Variants in LRP5 observed in about 807,000 individuals in gnomAD.
LRP5 encodes the protein low-density lipoprotein receptor-related protein 5.
LRP5 carries 62 observed loss-of-function variants against 154.1 expected under a neutral mutation model. That is an observed-to-expected ratio of 0.40 (90% CI 0.33 to 0.50). The LOEUF is 0.50. LRP5 is among the 20% of genes least tolerant of loss of function. The pLI is 0.55. For missense variants in LRP5, 1,915 were observed against 2,336.7 expected (o/e 0.82, Z 3.72); for synonymous variants, 966 against 1,011.5 (o/e 0.96, Z 0.85).
chr11:68,414,342 ACTC>A (rs2098661338), intron 12 of LRP5, among the ~76,000 whole-genome samples: 1 of 151,922 alleles, frequency 6.6e-6, no homozygotes, highest in Non-Finnish European at 1.5e-5. Flanking sequence ...GCGCTCGTTT[ACTC>A]CTCAAGCCTG....
chr11:68,436,834 T>G, intron 18 of LRP5, 55 bp from the exon 19 acceptor site: 1 of 1,314,718 alleles, frequency 7.6e-7, no homozygotes, highest in Non-Finnish European at 1.1e-6. Flanking sequence ...GTGCCCTGCA[T>G]GGTGGGCTGG....
In LRP5 at chr11:68,403,668, G is replaced by A. The variant is rs1488418953; in HGVS notation, c.1770G>A (p.Gly590=). ...VIIDQLPDLM[G]LKAVNVAKVV... ...TTGACCAGCTGCCCGACCTGATGGG[G>A]CTCAAAGCTGTGAATGTGGCCAAGG... The change falls in exon 8 of 23, where the codon GGG becomes GGA. Residue 590 remains glycine (G), a synonymous_variant. Transcript: ENST00000294304. The A allele has an allele frequency of 1.1e-5, 18 of 1,613,990 alleles. No homozygotes were observed. The highest frequency in any genetic ancestry group is 2.5e-6 in the Non-Finnish European group (3 of 1,180,060).
At chr11:68,415,563 T>C (rs1419555134) in intron 12 of LRP5, among the ~76,000 whole-genome samples, 1 of 151,218 alleles carries the variant, frequency 6.6e-6, no homozygotes, top group Non-Finnish European at 1.5e-5. Flanking sequence ...CTGGCCAATA[T>C]GGTGAAACTC....
intron 17 of LRP5, among the ~76,000 whole-genome samples, chr11:68,432,385 C>T (rs562065799): frequency 3.3e-5 from 5 of 152,316 alleles, no homozygotes; most frequent in South Asian, 2.1e-4. Context: ...TCTCAGCCGT[C>T]GTGGGCTGAC....
intron 3 of LRP5, among the ~76,000 whole-genome samples, chr11:68,361,096 G>A (rs1019568780): frequency 1.3e-5 from 2 of 149,180 alleles, no homozygotes; most frequent in Non-Finnish European, 3.0e-5. Flanking sequence ...ACGAGGTCAG[G>A]AGATTGAGAT....
intron 12 of LRP5, among the ~76,000 whole-genome samples, chr11:68,414,406 C>A (rs2098661367): frequency 6.6e-6 from 1 of 152,106 alleles, no homozygotes; most frequent in Non-Finnish European, 1.5e-5. Flanking sequence ...ACCCGATGCA[C>A]AGAGAGGTGT....
intron 13 of LRP5, among the ~76,000 whole-genome samples, chr11:68,422,870 C>T (rs1337625955): frequency 6.6e-6 from 1 of 151,466 alleles, no homozygotes; most frequent in Non-Finnish European, 1.5e-5. Context: ...CCCCTGCACC[C>T]TCACCTGTCC....
At chr11:68,393,088 C>T (rs1294027360) in intron 7 of LRP5, among the ~76,000 whole-genome samples, 2 of 151,838 alleles carry the variant, frequency 1.3e-5, no homozygotes, top group African/African-American at 4.8e-5. Flanking sequence ...TATGATCGCA[C>T]CACTGCACTC....
At chr11:68,360,313 A>G (rs2098626735) in intron 3 of LRP5, among the ~76,000 whole-genome samples, 1 of 152,150 alleles carries the variant, frequency 6.6e-6, no homozygotes, top group Non-Finnish European at 1.5e-5. Context: ...CACTGTGCCT[A>G]GCCTGTGTTT....
intron 5 of LRP5, among the ~76,000 whole-genome samples, chr11:68,374,364 G>A (rs569815684): frequency 6.6e-6 from 1 of 152,210 alleles, no homozygotes; most frequent in Non-Finnish European, 1.5e-5. Flanking sequence ...GGTCCTGTGG[G>A]GCCGAGTCTG....
chr11:68,370,871 C>T (rs1009102241), intron 5 of LRP5, among the ~76,000 whole-genome samples: 4 of 152,076 alleles, frequency 2.6e-5, no homozygotes, highest in African/African-American at 9.7e-5. Context: ...TTCCAGATGC[C>T]GTGTGTAGGG....
At position 68,447,662 on chromosome 11, in the gene LRP5, C is replaced by G. The variant is rs185323630; in HGVS notation, c.4586+1129C>G. Among the ~76,000 whole-genome samples, 606 of 152,304 alleles carry G rather than the reference C, an allele frequency of 4.0e-3. 13 individuals carry two copies. The highest frequency in any genetic ancestry group is 5.3e-4 in the Non-Finnish European group (36 of 68,016). On this transcript the variant is annotated intron_variant, in intron 22 of 22. Coordinates refer to ENST00000294304, the MANE Select transcript of LRP5 (RefSeq NM_002335.4). The surrounding 1 kb of genome is among the most constrained non-coding windows in gnomAD (Gnocchi z 4.3). ...GCCCACCGCGGACACATCTTCCCCC[C>G]GCCCGCCGTCTGACCTCACAGCAGC... is the stretch of plus-strand genomic sequence containing the variant.
intron 8 of LRP5, chr11:68,404,178 G>T: frequency 4.5e-6 from 2 of 449,092 alleles, no homozygotes; most frequent in Non-Finnish European, 8.8e-6. Flanking sequence ...GACGCTCCCC[G>T]AGGAGGTCGT....
At chr11:68,411,900 G>T (rs1565089862) in intron 11 of LRP5, among the ~76,000 whole-genome samples, 1 of 152,188 alleles carries the variant, frequency 6.6e-6, no homozygotes, top group Admixed American at 6.5e-5. Context: ...CCTGTGCCAG[G>T]ACTCTAATTT....
At chr11:68,375,018 C>T (rs1013764742) in intron 5 of LRP5, among the ~76,000 whole-genome samples, 3 of 152,240 alleles carry the variant, frequency 2.0e-5, no homozygotes, top group Non-Finnish European at 2.9e-5. Context: ...CAGCTCCATG[C>T]GGACCCCAGA....
intron 7 of LRP5, among the ~76,000 whole-genome samples, chr11:68,397,651 GTCA>G (rs1203922982): frequency 7.5e-6 from 1 of 133,824 alleles, no homozygotes; most frequent in African/African-American, 2.6e-5. Context: ...CATCACCGTC[GTCA>G]TCATCACCAT....
intron 1 of LRP5, among the ~76,000 whole-genome samples, chr11:68,345,822 C>G (rs1267259899): frequency 1.3e-5 from 2 of 152,192 alleles, no homozygotes; most frequent in Non-Finnish European, 2.9e-5. Context: ...CAGATCCTCA[C>G]CAACACTTGC....
At chr11:68,334,337 G>T (rs2098604494) in intron 1 of LRP5, among the ~76,000 whole-genome samples, 1 of 152,198 alleles carries the variant, frequency 6.6e-6, no homozygotes, top group South Asian at 2.1e-4. Flanking sequence ...GTGGGGTAGG[G>T]TGCAGAGGTG....
In LRP5 at chr11:68,406,659, T is replaced by TC; in HGVS notation, c.1938dup (p.Val648GlyfsTer17). The TC allele has an allele frequency of 6.2e-7, 1 of 1,614,158 alleles. No individual in the cohort carries two copies. Among genetic ancestry groups the TC allele is most frequent in the Non-Finnish European group, 8.5e-7 (1 of 1,180,034 alleles). ...AAGACCTGCATCGTGCCTGAGGCCT[T>TC]CTTGGTCTTCACCAGCAGAGCCGCC... On this transcript the variant is annotated frameshift_variant, in exon 9 of 23. Coordinates refer to ENST00000294304, the MANE Select transcript of LRP5 (RefSeq NM_002335.4). LOFTEE classifies it high-confidence loss of function.
Sources: gnomAD v4.1 joint callset for allele counts (sites outside exome capture counted in the v4.1 genomes callset) on GRCh38, gnomAD v4.1.1 for gene constraint, Gnocchi (gnomAD v3.1) non-coding constraint, MANE v1.5 for transcripts, NCBI Gene and HGNC (gene_info 2026-07-23, HGNC 2026-07-21) for gene names.